RAB33A: variants seen among roughly 807,000 people sequenced by gnomAD.
The protein encoded by RAB33A is RAB33A, member RAS oncogene family.
A neutral mutation model predicts 12.0 loss-of-function variants in RAB33A; 6 were observed. That is an observed-to-expected ratio of 0.50 (90% CI 0.27 to 0.99). The LOEUF (loss-of-function observed/expected upper bound fraction) is 0.99, where lower values mean the gene tolerates loss of function less well. Ranked by LOEUF, RAB33A falls within the 50% of genes least tolerant of loss-of-function variation. The pLI, the probability that RAB33A is intolerant of heterozygous loss-of-function variation, is 0.11. For missense variants in RAB33A, 109 were observed against 192.0 expected, an observed-to-expected ratio of 0.57 and a Z score of 2.55; for synonymous variants, 70 against 82.4, an observed-to-expected ratio of 0.85 and a Z score of 0.81.
the RAB33A span, among the ~76,000 whole-genome samples, chrX:130,146,451 ATG>A: frequency 0.45 from 39,955 of 88,993 alleles, 8,367 homozygotes; most frequent in East Asian, 0.61. Context: ...CTCTCAAAAT[ATG>A]TGTGTGTGTG....
At chrX:130,153,119 G>A in the RAB33A span, among the ~76,000 whole-genome samples, 5 of 104,171 alleles carry the variant, frequency 4.8e-5, 1 homozygote, top group Admixed American at 3.1e-4. Context: ...GATCACCCGA[G>A]GTCAGGAGAT....
the RAB33A span, among the ~76,000 whole-genome samples, chrX:130,126,306 A>G: frequency 9.0e-6 from 1 of 111,229 alleles, no homozygotes; most frequent in Non-Finnish European, 1.9e-5. Flanking sequence ...AGCCTGGCCA[A>G]CGTGGCGAAA....
the RAB33A span, among the ~76,000 whole-genome samples, chrX:130,151,094 T>C: frequency 9.2e-6 from 1 of 108,950 alleles, no homozygotes; most frequent in Non-Finnish European, 1.9e-5. Context: ...CTCAGATTAA[T>C]TGTAGGAGAA....
the RAB33A span, chrX:130,147,775 G>A: frequency 1.7e-6 from 2 of 1,211,966 alleles, no homozygotes; most frequent in Non-Finnish European, 1.1e-6. Context: ...TCCCGAGCCC[G>A]GATGGATCTG....
rs1228189958 is a variant in RAB33A at position 130,183,344 on chromosome X, A to G, written c.259-941A>G. Among the ~76,000 whole-genome samples, 3 of 108,521 alleles carry G rather than the reference A, an allele frequency of 2.8e-5. 1 individual carries two copies. Among genetic ancestry groups the G allele is most frequent in the Non-Finnish European group, 5.8e-5 (3 of 52,109 alleles). The allele number at this position is 108,521 out of a possible 115,157, so 94.2% of individuals were successfully genotyped here. On this transcript the variant is annotated intron_variant, in intron 1 of 1. Transcript: ENST00000257017. ...GCTGAGGCAGGCGGATCACGAGGTG[A>G]GGAGATCGAGACCATCCTGGCTAAC...
intron 1 of RAB33A, among the ~76,000 whole-genome samples, chrX:130,182,991 G>A (rs2031748086): frequency 9.2e-6 from 1 of 108,460 alleles, no homozygotes; most frequent in Non-Finnish European, 1.9e-5. Flanking sequence ...TGCAACCACC[G>A]CCTCCCGGGT....
the RAB33A span, among the ~76,000 whole-genome samples, chrX:130,127,910 G>T: frequency 9.1e-6 from 1 of 110,358 alleles, no homozygotes; most frequent in Non-Finnish European, 1.9e-5. Context: ...GGATGGTCTC[G>T]AACTCCTGAC....
At chrX:130,173,256 G>C (rs2031631107) in intron 1 of RAB33A, among the ~76,000 whole-genome samples, 2 of 111,959 alleles carry the variant, frequency 1.8e-5, no homozygotes, top group Admixed American at 9.5e-5. Context: ...GACATAACAA[G>C]GGCAACTTCT....
the RAB33A span, chrX:130,136,513 G>A: frequency 1.1e-5 from 7 of 642,354 alleles, no homozygotes; most frequent in South Asian, 9.4e-5. Context: ...GGTTAATTCG[G>A]AAAATTATAT....
At chrX:130,174,152 C>T (rs1487788918) in intron 1 of RAB33A, among the ~76,000 whole-genome samples, 1 of 112,437 alleles carries the variant, frequency 8.9e-6, no homozygotes, top group South Asian at 3.6e-4. Context: ...CCAAACTGGA[C>T]TTTACAGTCT....
the RAB33A span, among the ~76,000 whole-genome samples, chrX:130,126,313 G>A: frequency 1.1e-4 from 12 of 110,858 alleles, no homozygotes; most frequent in South Asian, 3.8e-4. Context: ...CCAACGTGGC[G>A]AAACCCCATC....
chrX:130,138,283 G>A, the RAB33A span, among the ~76,000 whole-genome samples: 1 of 110,348 alleles, frequency 9.1e-6, no homozygotes, highest in Non-Finnish European at 1.9e-5. Flanking sequence ...GGCTAACACG[G>A]TGAAACCCCA....
At chrX:130,165,635 C>T in the RAB33A span, 5 of 1,199,726 alleles carry the variant, frequency 4.2e-6, no homozygotes, top group African/African-American at 8.7e-5. Context: ...GCACCCGCCG[C>T]CAGGCCTCCA....
At chrX:130,114,435 C>T in the RAB33A span, among the ~76,000 whole-genome samples, 1 of 112,568 alleles carries the variant, frequency 8.9e-6, no homozygotes, top group Non-Finnish European at 1.9e-5. Context: ...GCTCGCCGCT[C>T]TTCCACCTAC....
At chrX:130,165,831 G>A in the RAB33A span, 2 of 506,209 alleles carry the variant, frequency 4.0e-6, no homozygotes, top group South Asian at 5.3e-5. Flanking sequence ...CTAGAGCCGG[G>A]GAAGGGGAAC....
chrX:130,136,819 G>C, the RAB33A span: 62 of 1,059,597 alleles, frequency 5.9e-5, no homozygotes, highest in Non-Finnish European at 7.5e-5. Flanking sequence ...TCTCCTCCAC[G>C]GTAAAACCAA....
chrX:130,129,635 G>A, the RAB33A span: 1 of 1,204,831 alleles, frequency 8.3e-7, no homozygotes, highest in Non-Finnish European at 1.1e-6. Flanking sequence ...TGATCTGAGG[G>A]AGAGAGAGTA....
At chrX:130,119,953 C>A in the RAB33A span, among the ~76,000 whole-genome samples, 2 of 111,967 alleles carry the variant, frequency 1.8e-5, no homozygotes, top group African/African-American at 6.5e-5. Flanking sequence ...ACAGAAGTGG[C>A]CACTCTAGCT....
At chrX:130,165,490 C>T in the RAB33A span, 2 of 989,876 alleles carry the variant, frequency 2.0e-6, no homozygotes, top group Admixed American at 2.6e-5. Flanking sequence ...GGCTGCAAGG[C>T]ACAGGGAGCC....
Sources: gnomAD v4.1 joint callset for allele counts (sites outside exome capture counted in the v4.1 genomes callset) on GRCh38, gnomAD v4.1.1 for gene constraint, MANE v1.5 for transcripts, NCBI Gene and HGNC (gene_info 2026-07-23, HGNC 2026-07-21) for gene names.